The following GALNT18 variants were observed in gnomAD, a reference collection of about 807,000 sequenced individuals.
GALNT18 encodes the protein GalNAc-transferase 18.
Under a neutral mutation model 69.5 loss-of-function variants are expected in GALNT18, and 44 were observed. The ratio of observed to expected loss-of-function variants is 0.63; its 90% CI spans 0.50 to 0.81. The LOEUF (loss-of-function observed/expected upper bound fraction) is 0.81, where lower values mean the gene tolerates loss of function less well. GALNT18 is among the 40% of genes least tolerant of loss of function. The pLI, the probability that GALNT18 is intolerant of heterozygous loss-of-function variation, is 0.00. For synonymous variants in GALNT18, 364 were observed against 318.2 expected, an observed-to-expected ratio of 1.14 and a Z score of -1.53; for missense variants, 715 against 810.0, an observed-to-expected ratio of 0.88 and a Z score of 1.42.
At chr11:11,373,363 T>C (rs561642172) in intron 5 of GALNT18, among the ~76,000 whole-genome samples, 19 of 152,246 alleles carry the variant, frequency 1.2e-4, no homozygotes, top group African/African-American at 4.3e-4. Context: ...TCAGCCCAAC[T>C]TCAAAATAGA....
intron 6 of GALNT18, among the ~76,000 whole-genome samples, chr11:11,357,079 C>T (rs1426817078): frequency 6.6e-6 from 1 of 152,108 alleles, no homozygotes; most frequent in African/African-American, 2.4e-5. Flanking sequence ...TGGTTCTAGA[C>T]TGGCTGCTTG....
chr11:11,410,247 T>G (rs557942912), intron 3 of GALNT18, among the ~76,000 whole-genome samples: 1 of 152,328 alleles, frequency 6.6e-6, no homozygotes, highest in East Asian at 1.9e-4. Flanking sequence ...CCCCAGGGTC[T>G]TGTGCTGTCC....
intron 10 of GALNT18, among the ~76,000 whole-genome samples, chr11:11,281,720 A>C (rs996199091): frequency 6.8e-6 from 1 of 146,870 alleles, no homozygotes; most frequent in Admixed American, 6.8e-5. Context: ...CAGCCCAGCC[A>C]CAGCCTCAGC....
intron 8 of GALNT18, among the ~76,000 whole-genome samples, chr11:11,331,688 C>T (rs1850019051): frequency 6.6e-6 from 1 of 152,152 alleles, no homozygotes; most frequent in Admixed American, 6.5e-5. Context: ...CTTGGTTTCA[C>T]TGCTGATTAT....
chr11:11,274,297 T>TC (rs892294492), intron 10 of GALNT18, among the ~76,000 whole-genome samples: 114 of 152,180 alleles, frequency 7.5e-4, no homozygotes, highest in African/African-American at 2.6e-3. Flanking sequence ...TTGTTTTTGT[T>TC]TTTTTCTCAA....
Position 11,602,274 on chromosome 11 carries a change from C to T in GALNT18, c.235+19085G>A, listed in dbSNP as rs1859650926. ...TGAAACCTCCACCCTACATGTGAGCCAGGGATAGGGGCAATCAGGGCCTAG... is the reference window on the plus strand; with the variant it reads ...TGAAACCTCCACCCTACATGTGAGCTAGGGATAGGGGCAATCAGGGCCTAG... On this transcript the variant is annotated intron_variant, in intron 1 of 10. Transcript: ENST00000227756. The surrounding 1 kb of genome is among the most constrained non-coding windows in gnomAD (Gnocchi z 4.7). Among the ~76,000 whole-genome samples, 1 of 152,078 alleles carries T rather than the reference C, an allele frequency of 6.6e-6. No homozygotes were observed. The highest frequency in any genetic ancestry group is 1.5e-5 in the Non-Finnish European group (1 of 68,008).
At position 11,455,189 on chromosome 11, in the gene GALNT18, G is replaced by T. The variant is rs114805670; in HGVS notation, c.236-6253C>A. On this transcript the variant is annotated intron_variant, in intron 1 of 10. Transcript: ENST00000227756. ...TATCATCTAAGCAACAAATATTTCA[G>T]CAAGTTTGTTCTATGCCAAGCTTAT... is the stretch of plus-strand genomic sequence containing the variant. Among the ~76,000 whole-genome samples, 1,202 of 152,264 alleles carry T rather than the reference G, an allele frequency of 7.9e-3. 20 individuals are homozygous for T. The highest frequency in any genetic ancestry group is 0.028 in the African/African-American group (1,156 of 41,556).
rs1427846682 is a variant in GALNT18 at position 11,621,098 on chromosome 11, C to T, written c.235+261G>A. ...CACATTTGGACACGTGCGCAGCGCGCCCCCATACCGCCAGCTAGCTGCACA... is the reference window on the plus strand; with the variant it reads ...CACATTTGGACACGTGCGCAGCGCGTCCCCATACCGCCAGCTAGCTGCACA... On this transcript the variant is annotated intron_variant, in intron 1 of 10. Transcript: ENST00000227756. This position sits in a 1 kb window ranked among gnomAD's most constrained non-coding sequence, Gnocchi z 9.3. 6.6e-6 allele frequency among the ~76,000 whole-genome samples: 1 copy of T among 152,192 alleles called. No homozygotes were observed. The highest frequency in any genetic ancestry group is 1.5e-5 in the Non-Finnish European group (1 of 68,028).
At chr11:11,550,113 C>T (rs1858154409) in intron 1 of GALNT18, among the ~76,000 whole-genome samples, 1 of 152,208 alleles carries the variant, frequency 6.6e-6, no homozygotes, top group African/African-American at 2.4e-5. Flanking sequence ...TGTTACAAAC[C>T]AATGCATCCA....
intron 1 of GALNT18, among the ~76,000 whole-genome samples, chr11:11,593,041 GAGTAGC>G (rs1859396033): frequency 6.6e-6 from 1 of 152,094 alleles, no homozygotes; most frequent in African/African-American, 2.4e-5. Context: ...TCAGCCTCCT[GAGTAGC>G]TGGGACTACA....
intron 9 of GALNT18, among the ~76,000 whole-genome samples, chr11:11,297,641 A>G (rs1229591771): frequency 6.6e-6 from 1 of 152,140 alleles, no homozygotes; most frequent in African/African-American, 2.4e-5. Context: ...GGAGGAGCCT[A>G]GAATAAAAGA....
At chr11:11,328,223 C>T (rs997786723) in intron 8 of GALNT18, among the ~76,000 whole-genome samples, 4 of 152,198 alleles carry the variant, frequency 2.6e-5, no homozygotes, top group African/African-American at 9.7e-5. Flanking sequence ...GCTGGAGTAC[C>T]CATGTCCAGC....
In GALNT18 at chr11:11,595,912, A is replaced by AT. The variant is rs145055203; in HGVS notation, c.235+25446dup. ...AAATTTGATCAAATCCAATTTATCC[A>AT]TTTTTTTTTGTCACTGTGCTTTTGA... is the stretch of plus-strand genomic sequence containing the variant. On this transcript the variant is annotated intron_variant, in intron 1 of 10. Transcript: ENST00000227756. The surrounding 1 kb of genome is among the most constrained non-coding windows in gnomAD (Gnocchi z 5.2). Among the ~76,000 whole-genome samples, 1,669 of 151,102 alleles carry AT rather than the reference A, an allele frequency of 0.011. 15 individuals carry two copies. Among genetic ancestry groups the AT allele is most frequent in the Non-Finnish European group, 0.016 (1,062 of 67,648 alleles).
At chr11:11,394,431 G>A (rs1435871765) in intron 3 of GALNT18, among the ~76,000 whole-genome samples, 1 of 151,984 alleles carries the variant, frequency 6.6e-6, no homozygotes, top group Non-Finnish European at 1.5e-5. Flanking sequence ...TAGAAGATGA[G>A]CCAAAAAACA....
intron 3 of GALNT18, among the ~76,000 whole-genome samples, chr11:11,400,796 G>T (rs550933991): frequency 6.6e-6 from 1 of 151,820 alleles, no homozygotes; most frequent in Non-Finnish European, 1.5e-5. Flanking sequence ...ATCTTGTCTC[G>T]ACTCTAATTG....
rs1859958113 is a variant in GALNT18 at position 11,613,277 on chromosome 11, C to T, written c.235+8082G>A. On this transcript the variant is annotated intron_variant, in intron 1 of 10. Coordinates refer to ENST00000227756, the MANE Select transcript of GALNT18 (RefSeq NM_198516.3). The surrounding 1 kb of genome is among the most constrained non-coding windows in gnomAD (Gnocchi z 4.2). ...GATCTATAAAAGGTATACAGATCCACAGAGAAGATTCCAGAACAGCAGTCA... is the reference window on the plus strand; with the variant it reads ...GATCTATAAAAGGTATACAGATCCATAGAGAAGATTCCAGAACAGCAGTCA... Among the ~76,000 whole-genome samples, 1 of 152,192 alleles carries T rather than the reference C, an allele frequency of 6.6e-6. No homozygotes were observed. The highest frequency in any genetic ancestry group is 1.5e-5 in the Non-Finnish European group (1 of 68,044).
At chr11:11,275,343 T>C (rs1210863671) in intron 10 of GALNT18, among the ~76,000 whole-genome samples, 1 of 141,734 alleles carries the variant, frequency 7.1e-6, no homozygotes, top group African/African-American at 2.5e-5. Context: ...TAAATGTCTT[T>C]TGAGAAGTGT....
rs1349079545 is a variant in GALNT18 at position 11,586,454 on chromosome 11, C to A, written c.235+34905G>T. 2.0e-5 allele frequency among the ~76,000 whole-genome samples: 3 copies of A among 152,090 alleles called. No individual in the cohort carries two copies. The highest frequency in any genetic ancestry group is 4.8e-5 in the African/African-American group (2 of 41,400). ...AAAGTTTGAAAACTTCTGGCTTAAA[C>A]TATAGCTAAAAGATAGGAAATTCTA... On this transcript the variant is annotated intron_variant, in intron 1 of 10. Coordinates refer to ENST00000227756, the MANE Select transcript of GALNT18 (RefSeq NM_198516.3). The surrounding 1 kb of genome is among the most constrained non-coding windows in gnomAD (Gnocchi z 4.1).
intron 1 of GALNT18, among the ~76,000 whole-genome samples, chr11:11,535,411 AAAT>A (rs1273767311): frequency 6.6e-6 from 1 of 152,216 alleles, no homozygotes. Context: ...AGATTATTTG[AAAT>A]AATGTGATTT....
Sources: gnomAD v4.1 joint callset for allele counts (sites outside exome capture counted in the v4.1 genomes callset) on GRCh38, gnomAD v4.1.1 for gene constraint, Gnocchi (gnomAD v3.1) non-coding constraint, MANE v1.5 for transcripts, NCBI Gene and HGNC (gene_info 2026-07-23, HGNC 2026-07-21) for gene names.